The following KLF8 variants were observed in gnomAD, a reference collection of about 807,000 sequenced individuals.
The protein encoded by KLF8 is Krueppel-like factor 8.
KLF8 carries 10 observed loss-of-function variants against 18.2 expected under a neutral mutation model. The observed-to-expected ratio is 0.55, with a 90% CI of 0.34 to 0.93. The LOEUF (loss-of-function observed/expected upper bound fraction) is 0.93. Ranked by LOEUF, KLF8 falls within the 40% of genes least tolerant of loss-of-function variation. The pLI, the probability that KLF8 is intolerant of heterozygous loss-of-function variation, is 0.02. For synonymous variants in KLF8, 109 were observed against 97.3 expected, an observed-to-expected ratio of 1.12 and a Z score of -0.71; for missense variants, 264 against 277.9, an observed-to-expected ratio of 0.95 and a Z score of 0.36.
chrX:55,928,262 G>T, the KLF8 span, among the ~76,000 whole-genome samples: 2 of 111,797 alleles, frequency 1.8e-5, no homozygotes, highest in African/African-American at 6.5e-5. Flanking sequence ...ATATTAGGGG[G>T]TACATGATAT....
chrX:56,003,900 C>T, the KLF8 span, among the ~76,000 whole-genome samples: 7 of 112,355 alleles, frequency 6.2e-5, no homozygotes, highest in South Asian at 1.5e-3. Flanking sequence ...TGAGGAACAA[C>T]GTATCTTATG....
At chrX:56,151,869 C>T in the KLF8 span, among the ~76,000 whole-genome samples, 1 of 111,460 alleles carries the variant, frequency 9.0e-6, no homozygotes, top group East Asian at 2.8e-4. Flanking sequence ...AAAACTGAGC[C>T]ATAACACACC....
At chrX:56,199,079 AG>A in the KLF8 span, among the ~76,000 whole-genome samples, 2 of 112,225 alleles carry the variant, frequency 1.8e-5, no homozygotes. Flanking sequence ...CAGCTTATAA[AG>A]AATTAATTCA....
chrX:56,015,567 C>T, the KLF8 span, among the ~76,000 whole-genome samples: 2 of 112,103 alleles, frequency 1.8e-5, no homozygotes, highest in Non-Finnish European at 3.8e-5. Context: ...AGGAAAATGA[C>T]ATAATCTCTG....
the KLF8 span, among the ~76,000 whole-genome samples, chrX:55,909,793 GC>G: frequency 8.9e-6 from 1 of 112,326 alleles, no homozygotes; most frequent in African/African-American, 3.2e-5. Flanking sequence ...GAAAGCTAAT[GC>G]CACTTTGGCG....
chrX:56,134,241 G>A, the KLF8 span, among the ~76,000 whole-genome samples: 1 of 111,424 alleles, frequency 9.0e-6, no homozygotes, highest in African/African-American at 3.3e-5. Flanking sequence ...AAATCTGGAG[G>A]CATCACATTA....
the KLF8 span, among the ~76,000 whole-genome samples, chrX:55,967,472 A>G: frequency 1.8e-5 from 2 of 109,846 alleles, no homozygotes; most frequent in East Asian, 2.8e-4. Context: ...TTAAAGTGCT[A>G]CAGGAAAAAA....
At chrX:55,954,008 A>G in the KLF8 span, among the ~76,000 whole-genome samples, 6 of 109,746 alleles carry the variant, frequency 5.5e-5, no homozygotes, top group Non-Finnish European at 3.8e-5. Flanking sequence ...AACTCAAGTA[A>G]GTGAAATAAC....
the KLF8 span, among the ~76,000 whole-genome samples, chrX:56,136,287 G>A: frequency 0.045 from 4,988 of 111,006 alleles, 119 homozygotes; most frequent in Admixed American, 0.074. Context: ...AAAAGAGCCC[G>A]CATCGCCAAG....
chrX:56,196,837 T>A, the KLF8 span, among the ~76,000 whole-genome samples: 1 of 111,492 alleles, frequency 9.0e-6, no homozygotes, highest in Non-Finnish European at 1.9e-5. Context: ...ATTGACCACA[T>A]AATTGGAAGT....
At chrX:55,940,327 AC>A in the KLF8 span, among the ~76,000 whole-genome samples, 1 of 111,430 alleles carries the variant, frequency 9.0e-6, no homozygotes. Context: ...AAATTCAACA[AC>A]CCTTCATGCT....
At chrX:55,941,057 A>G in the KLF8 span, among the ~76,000 whole-genome samples, 1 of 111,778 alleles carries the variant, frequency 8.9e-6, no homozygotes, top group Non-Finnish European at 1.9e-5. Context: ...AAAAGAGCCC[A>G]CATTGCCAAG....
chrX:56,200,469 A>G, the KLF8 span, among the ~76,000 whole-genome samples: 1 of 110,999 alleles, frequency 9.0e-6, no homozygotes, highest in Non-Finnish European at 1.9e-5. Flanking sequence ...CTTAGATGAC[A>G]TACAAAAATT....
chrX:55,965,459 C>T, the KLF8 span, among the ~76,000 whole-genome samples: 2 of 111,696 alleles, frequency 1.8e-5, no homozygotes, highest in Non-Finnish European at 3.8e-5. Flanking sequence ...GACCCCTTCC[C>T]CCTAAGAATT....
chrX:56,254,205 C>T (rs1459888946), intron 2 of KLF8, among the ~76,000 whole-genome samples: 2 of 111,984 alleles, frequency 1.8e-5, no homozygotes, highest in African/African-American at 3.2e-5. Context: ...TTGACCCCTT[C>T]GTGGGTGGGA....
the KLF8 span, among the ~76,000 whole-genome samples, chrX:55,968,565 T>C: frequency 1.8e-5 from 2 of 111,954 alleles, no homozygotes; most frequent in East Asian, 5.6e-4. Context: ...CCACATGTCA[T>C]GGGAGGGACC....
chrX:56,261,914 A>G (rs1001636011), intron 2 of KLF8, among the ~76,000 whole-genome samples: 2 of 112,077 alleles, frequency 1.8e-5, no homozygotes, highest in Non-Finnish European at 3.8e-5. Context: ...ACTTTTGAGA[A>G]CAGTCTGTTT....
the KLF8 span, among the ~76,000 whole-genome samples, chrX:55,912,465 T>C: frequency 2.7e-5 from 3 of 111,576 alleles, no homozygotes; most frequent in Admixed American, 9.5e-5. Context: ...GTATATGGCT[T>C]TTTAAATTAT....
At chrX:55,946,325 A>G in the KLF8 span, among the ~76,000 whole-genome samples, 8 of 111,624 alleles carry the variant, frequency 7.2e-5, no homozygotes, top group South Asian at 3.8e-4. Flanking sequence ...CCTCAGAAAT[A>G]ACACCACATA....
Sources: allele counts gnomAD v4.1 joint callset (sites outside exome capture counted in the v4.1 genomes callset), GRCh38; gene constraint gnomAD v4.1.1; transcripts MANE v1.5; gene names NCBI Gene and HGNC (gene_info 2026-07-23, HGNC 2026-07-21).